Variants in TAF1C observed in about 807,000 individuals in gnomAD.
TAF1C encodes the protein TATA box-binding protein-associated factor RNA polymerase I subunit C.
In TAF1C, 79 loss-of-function variants were observed where a neutral mutation model predicts 70.5. The observed-to-expected ratio is 1.12, with a 90% CI of 0.93 to 1.35. The LOEUF (loss-of-function observed/expected upper bound fraction) is 1.35. TAF1C is among the 40% of genes most tolerant of loss of function. TAF1C has a pLI of 0.00. For synonymous variants in TAF1C, 614 were observed against 491.1 expected, an observed-to-expected ratio of 1.25 and a Z score of -3.31; for missense variants, 1,412 against 1,127.8, an observed-to-expected ratio of 1.25 and a Z score of -3.61.
chr16:84,180,321 C>T lies in TAF1C; in HGVS notation c.1332G>A (p.Glu444=), dbSNP rs1260360869. Residue 444 remains glutamate, a synonymous_variant, in exon 13 of 15, where the codon GAG becomes GAA. Transcript: ENST00000566732. The part of the protein sequence containing the change: ...CTQFSLYLVD[E]RLPLVPMLKW... ...TCAGCATCGGCACCAGGGGAAGGCGCTCGTCCACTAGGTAGAGAGAGAACT... is the reference window on the plus strand; with the variant it reads ...TCAGCATCGGCACCAGGGGAAGGCGTTCGTCCACTAGGTAGAGAGAGAACT... The T allele has an allele frequency of 6.5e-6, 10 of 1,546,030 alleles. No individual in the cohort carries two copies. Among genetic ancestry groups the T allele is most frequent in the South Asian group, 6.0e-5 (5 of 83,910 alleles).
chr16:84,181,508 G>A (rs755950140), intron 10 of TAF1C, 45 bp from the exon 11 acceptor site: 19 of 1,613,552 alleles, frequency 1.2e-5, no homozygotes, highest in East Asian at 2.2e-5. Context: ...AGGCTGATGG[G>A]GAAGGGGCTC....
At position 84,179,043 on chromosome 16, in the gene TAF1C, G is replaced by C. The variant is rs780697583; in HGVS notation, c.2430C>G (p.Pro810=). ...CCCGGACGCTGGAGGCCTGGGAGTG[G>C]GGAGGTGTGGTGGCACAGCCTGGGG... ...RDTPGCATTP[P]HSQASSVRAT... is the part of the protein sequence containing the mutation. The change falls in exon 15 of 15, where the codon CCC becomes CCG. Residue 810 remains proline, a synonymous_variant. Coordinates refer to ENST00000566732, the MANE Select transcript of TAF1C (RefSeq NM_001243156.2). 1 of 1,610,914 alleles carries C rather than the reference G, an allele frequency of 6.2e-7. No individual in the cohort carries two copies. Among genetic ancestry groups the C allele is most frequent in the Non-Finnish European group, 8.5e-7 (1 of 1,179,900 alleles).
chr16:84,180,265 A>G lies in TAF1C; in HGVS notation c.1388T>C (p.Leu463Pro). 2 of 1,547,304 alleles carry G rather than the reference A, an allele frequency of 1.3e-6. No homozygotes were observed. Among genetic ancestry groups the G allele is most frequent in the Non-Finnish European group, 1.7e-6 (2 of 1,147,928 alleles). ...KWNHGLPSPLLLARLLPPPRP... is the reference protein window; with the variant it reads ...KWNHGLPSPLPLARLLPPPRP... ...GGGCGGAGGCAGCAGTCGGGCCAGC[A>G]GGAGCGGGGAGGGGAGGCCATGGTT... Residue 463 changes from leucine (L) to proline (P), a missense_variant, in exon 13 of 15, where the codon CTG (leucine) becomes CCG (proline). Leu to Pro is a moderately conservative substitution (Grantham distance 98). Transcript: ENST00000566732.
At chr16:84,180,839 G>A (rs1180311240) in intron 12 of TAF1C, 1 of 1,402,368 alleles carries the variant, frequency 7.1e-7, no homozygotes, top group African/African-American at 1.4e-5. Flanking sequence ...TCTACTAAGG[G>A]GAGGCCCTGG....
At position 84,179,687 on chromosome 16, in the gene TAF1C, G is replaced by C; in HGVS notation, c.1786C>G (p.His596Asp). ...GAGGTCCAGGAAGCTGTGGGGGCAT[G>C]GCAGTCAGGTTGGGTGTCGCCAGGA... ...GPPGDTQPDCHAPTASWTSQD... is the reference protein window; with the variant it reads ...GPPGDTQPDCDAPTASWTSQD... The change falls in exon 15 of 15, where the codon CAT becomes GAT. Residue 596 changes from histidine to aspartate, a missense_variant. Transcript: ENST00000566732. The C allele has an allele frequency of 6.2e-7, 1 of 1,612,686 alleles. No individual in the cohort carries two copies. The highest frequency in any genetic ancestry group is 8.5e-7 in the Non-Finnish European group (1 of 1,179,944).
intron 10 of TAF1C, 48 bp from the exon 11 acceptor site, chr16:84,181,511 A>T: frequency 1.2e-6 from 2 of 1,613,576 alleles, no homozygotes; most frequent in Non-Finnish European, 1.7e-6. Context: ...CTGATGGGGA[A>T]GGGGCTCAAG....
chr16:84,180,812 T>G (rs2089132353), intron 12 of TAF1C: 3 of 1,307,762 alleles, frequency 2.3e-6, no homozygotes, highest in Non-Finnish European at 2.9e-6. Flanking sequence ...GCTCCACCCC[T>G]GGCTGCACCT....
Position 84,181,738 on chromosome 16 carries a change from C to T in TAF1C, c.956+8G>A. Reference sequence around the variant, plus strand: ...CCCCTCCTCACCGACCAACCTGACCCCCCTCACCTGAGGCTGATCCCCGTG... The same window carrying T: ...CCCCTCCTCACCGACCAACCTGACCTCCCTCACCTGAGGCTGATCCCCGTG... On this transcript the variant is annotated splice_region_variant and intron_variant, in intron 9 of 14. Coordinates refer to ENST00000566732, the MANE Select transcript of TAF1C (RefSeq NM_001243156.2). 6.2e-7 allele frequency: 1 copy of T among 1,613,942 alleles called. No individual in the cohort carries two copies. The highest frequency in any genetic ancestry group is 1.3e-5 in the African/African-American group (1 of 75,040).
chr16:84,181,219 C>T (rs1350761443), intron 11 of TAF1C, 33 bp from the exon 12 acceptor site: 3 of 1,593,006 alleles, frequency 1.9e-6, no homozygotes, highest in Non-Finnish European at 1.7e-6. Context: ...GCCCTCCCCA[C>T]AGTCCCAGGC....
rs1008300866 is a variant in TAF1C, at chr16:84,181,928, T to C, written c.838+14A>G. On this transcript the variant is annotated intron_variant, in intron 8 of 14. Coordinates refer to ENST00000566732, the MANE Select transcript of TAF1C (RefSeq NM_001243156.2). ...TCAGCCAGTGAGGGAGGAAAGTGTA[T>C]ATAAGGGCCTTACTTTCTCCCTGGA... The C allele has an allele frequency of 4.3e-6, 7 of 1,613,856 alleles. No homozygotes were observed. The highest frequency in any genetic ancestry group is 2.2e-5 in the East Asian group (1 of 44,878).
Position 84,179,204 on chromosome 16 carries a change from C to T in TAF1C, c.2269G>A (p.Ala757Thr). ...SSPHSPEWPP[A>T]DALPLPPTTP... is the part of the protein sequence containing the mutation. Reference sequence around the variant, plus strand: ...GTGGGGGGCAGGGGCAGAGCATCAGCAGGTGGCCACTCAGGGCTATGAGGG... The same window carrying T: ...GTGGGGGGCAGGGGCAGAGCATCAGTAGGTGGCCACTCAGGGCTATGAGGG... Residue 757 changes from alanine to threonine, a missense_variant, in exon 15 of 15, where the codon GCT (alanine) becomes ACT (threonine). By Grantham distance (58) the Ala-to-Thr change is moderately conservative. Transcript: ENST00000566732. 6.3e-7 allele frequency: 1 copy of T among 1,586,896 alleles called. No homozygotes were observed. Among genetic ancestry groups the T allele is most frequent in the African/African-American group, 1.3e-5 (1 of 74,810 alleles).
At chr16:84,180,372 G>A (rs2089081980) in intron 12 of TAF1C, 28 bp from the exon 13 acceptor site, 4 of 1,529,992 alleles carry the variant, frequency 2.6e-6, no homozygotes, top group Non-Finnish European at 3.5e-6. Context: ...AGGGGGATGT[G>A]GCCGAACTTG....
At chr16:84,180,394 G>C (rs1221754541) in intron 12 of TAF1C, 50 bp from the exon 13 acceptor site, 4 of 1,510,882 alleles carry the variant, frequency 2.6e-6, no homozygotes, top group East Asian at 4.9e-5. Context: ...GAGCTGAGCT[G>C]TGTAGTGGCC....
chr16:84,178,541 C>A lies in TAF1C; in HGVS notation c.*400G>T. ...TCAGCAGCTCTGCAGGGGCCTCACT[C>A]CACCCTCACCAAACACGAGGAGCCA... On this transcript the variant is annotated 3_prime_UTR_variant, in exon 15 of 15. Coordinates refer to ENST00000566732, the MANE Select transcript of TAF1C (RefSeq NM_001243156.2). 2.2e-6 allele frequency: 1 copy of A among 448,940 alleles called. No homozygotes were observed. The highest frequency in any genetic ancestry group is 1.6e-5 in the South Asian group (1 of 62,072). 27.8% of individuals were successfully genotyped at this position (448,940 alleles called of 1,614,324 possible).
chr16:84,179,933 C>G lies in TAF1C; in HGVS notation c.1621+13G>C, dbSNP rs1353625017. 9 of 1,595,936 alleles carry G rather than the reference C, an allele frequency of 5.6e-6. No individual in the cohort carries two copies. The East Asian group carries it at 1.8e-4, about 32-fold the overall frequency. On this transcript the variant is annotated intron_variant, in intron 14 of 14. Coordinates refer to ENST00000566732, the MANE Select transcript of TAF1C (RefSeq NM_001243156.2). ...CACTGCGCCCCCCAAGCTCACTCCC[C>G]CACCCAGCACACCTATGGTCGGTGC... is the stretch of plus-strand genomic sequence containing the variant.
Position 84,184,913 on chromosome 16 carries a change from A to G in TAF1C, c.76T>C (p.Ser26Pro), listed in dbSNP as rs745735596. The G allele has an allele frequency of 1.2e-6, 2 of 1,613,648 alleles. No homozygotes were observed. Among genetic ancestry groups the G allele is most frequent in the South Asian group, 2.2e-5 (2 of 90,970 alleles). ...GCGTCTCGCCAGCTGCACATGAAAG[A>G]GAGGTCAGGGACGTCGCTCAGACCA... ...PLGLSDVPDL[S>P]FMCSWRDALT... The change falls in exon 2 of 15, where the codon TCT becomes CCT. Residue 26 changes from serine to proline, a missense_variant. By Grantham distance (74) the Ser-to-Pro change is moderately conservative (BLOSUM62 -1). Transcript: ENST00000566732.
At position 84,183,217 on chromosome 16, in the gene TAF1C, C is replaced by T. The variant is rs183088637; in HGVS notation, c.408+27G>A. On this transcript the variant is annotated intron_variant, in intron 5 of 14. Transcript: ENST00000566732. ...ACCCCTGAAGGACAGCAGGGAGTCCCCACCCCTGGAGTCACGGGCCACTCA... is the reference window on the plus strand; with the variant it reads ...ACCCCTGAAGGACAGCAGGGAGTCCTCACCCCTGGAGTCACGGGCCACTCA... 113 of 1,613,916 alleles carry T rather than the reference C, an allele frequency of 7.0e-5. No homozygotes were observed. In the African/African-American group the frequency reaches 1.4e-3, roughly 20 times the overall value.
intron 12 of TAF1C, 125 bp from the exon 13 acceptor site, chr16:84,180,469 A>G (rs532580395): frequency 2.0e-6 from 2 of 1,014,448 alleles, no homozygotes; most frequent in African/African-American, 3.4e-5. Flanking sequence ...ATCTCCCATC[A>G]GCCTCCACGT....
rs546396859 is a variant in TAF1C, at chr16:84,178,044, C to T, written c.*897G>A. The T allele has an allele frequency of 1.1e-4, 62 of 569,768 alleles. 1 individual carries two copies. In the African/African-American group the frequency reaches 1.1e-3, roughly 10 times the overall value. The allele number at this position is 569,768 out of a possible 1,614,324, so 35.3% of individuals were successfully genotyped here. ...TCAGAAACCAGACAGACCCGGGTCC[C>T]TGCAAAATCTCAAGTGAGCATTTTC... On this transcript the variant is annotated 3_prime_UTR_variant, in exon 15 of 15. Coordinates refer to ENST00000566732, the MANE Select transcript of TAF1C (RefSeq NM_001243156.2).
Sources: allele counts gnomAD v4.1 joint callset, GRCh38; gene constraint gnomAD v4.1.1; transcripts MANE v1.5; gene names NCBI Gene and HGNC (gene_info 2026-07-23, HGNC 2026-07-21).